GAS2L3: variants seen among roughly 807,000 people sequenced by gnomAD.
GAS2L3 encodes growth arrest specific 2 like 3.
GAS2L3 carries 28 observed loss-of-function variants against 37.0 expected under a neutral mutation model. The ratio of observed to expected loss-of-function variants is 0.76; its 90% confidence interval spans 0.56 to 1.04. The LOEUF (loss-of-function observed/expected upper bound fraction) is 1.04. GAS2L3 is among the 50% of genes least tolerant of loss of function. The probability of loss-of-function intolerance (pLI) is 0.00; values close to 1 mark genes in which losing one functional copy is unlikely to be tolerated. For missense variants in GAS2L3, 793 were observed against 817.6 expected (o/e 0.97, Z 0.37); for synonymous variants, 290 against 296.6 (o/e 0.98, Z 0.23).
chr12:100,594,991 A>G, intron 3 of GAS2L3, 69 bp downstream of exon 3: 1 of 696,166 alleles, frequency 1.4e-6, no homozygotes, highest in Non-Finnish European at 2.3e-6. Context: ...ATAATTAGCA[A>G]AGATAAAATT....
chr12:100,600,181 G>T (rs761403291), intron 3 of GAS2L3, among the ~76,000 whole-genome samples: 2 of 152,046 alleles, frequency 1.3e-5, no homozygotes, highest in South Asian at 2.1e-4. Context: ...AACCATAATC[G>T]CATCACTGCA....
chr12:100,595,546 G>T (rs115004082), intron 3 of GAS2L3, among the ~76,000 whole-genome samples: 2 of 151,678 alleles, frequency 1.3e-5, no homozygotes, highest in African/African-American at 4.8e-5. Context: ...TGTATAAAAA[G>T]AACATGATTG....
chr12:100,615,922 G>A (rs1956181665), intron 6 of GAS2L3, among the ~76,000 whole-genome samples: 2 of 151,978 alleles, frequency 1.3e-5, no homozygotes, highest in South Asian at 2.1e-4. Context: ...GGGAGGTGTG[G>A]GTCTCCAAAT....
At chr12:100,583,275 TCA>T (rs1955736498) in intron 1 of GAS2L3, among the ~76,000 whole-genome samples, 1 of 152,196 alleles carries the variant, frequency 6.6e-6, no homozygotes, top group Non-Finnish European at 1.5e-5. Context: ...CTTTGTAAGG[TCA>T]CATATTCACA....
At chr12:100,592,002 G>A (rs372092431) in intron 2 of GAS2L3, 146 bp downstream of exon 2, 1 of 152,070 alleles carries the variant, frequency 6.6e-6, no homozygotes, top group Admixed American at 6.6e-5. Context: ...AATCAGAAAG[G>A]ATGTTTTCTT....
chr12:100,589,872 G>A (rs925885133), intron 1 of GAS2L3, among the ~76,000 whole-genome samples: 2 of 151,552 alleles, frequency 1.3e-5, no homozygotes, highest in African/African-American at 2.4e-5. Context: ...GGCTAGCCAC[G>A]TGTAGGATCC....
chr12:100,600,686 T>A, intron 4 of GAS2L3, 136 bp downstream of exon 4: 1 of 732,472 alleles, frequency 1.4e-6, no homozygotes, highest in Non-Finnish European at 2.3e-6. Flanking sequence ...GTGCCCTTGG[T>A]CTCACCCAGG....
At position 100,612,065 on chromosome 12, in the gene GAS2L3, C is replaced by T. The variant is rs1215673974; in HGVS notation, c.369C>T (p.Asp123=). The change falls in exon 6 of 10, where the codon GAC becomes GAT. Residue 123 remains aspartate (D), a synonymous_variant. Transcript: ENST00000547754. The part of the protein sequence containing the change: ...DAASGSFFAR[D]NTANFLHWCR... The stretch of plus-strand genomic sequence containing the variant: ...CATCAGGTTCATTCTTTGCTCGGGA[C>T]AATACCGCAAACTTCCTTCACTGGT... 1.2e-6 allele frequency: 2 copies of T among 1,610,580 alleles called. No homozygotes were observed. Among genetic ancestry groups the T allele is most frequent in the Non-Finnish European group, 1.7e-6 (2 of 1,176,888 alleles).
chr12:100,583,933 G>A, intron 1 of GAS2L3, among the ~76,000 whole-genome samples: 1 of 152,068 alleles, frequency 6.6e-6, no homozygotes, highest in East Asian at 1.9e-4. Flanking sequence ...AATAATAAAT[G>A]ATATCAAAAA....
At chr12:100,589,704 G>A (rs61941855) in intron 1 of GAS2L3, among the ~76,000 whole-genome samples, 1,621 of 152,200 alleles carry the variant, frequency 0.011, 15 homozygotes, top group Non-Finnish European at 0.016. Context: ...CCAAAACAGC[G>A]TGGTACAGCT....
At chr12:100,594,839 T>G in intron 2 of GAS2L3, 36 bp from the exon 3 acceptor site, 1 of 782,278 alleles carries the variant, frequency 1.3e-6, no homozygotes, top group Non-Finnish European at 1.9e-6. Flanking sequence ...AAACTGCCAC[T>G]GTTAACTGTA....
rs746621272 is a variant in GAS2L3, at chr12:100,623,962, A to G, written c.1157A>G (p.Lys386Arg). The change falls in exon 10 of 10, where the codon AAG becomes AGG. Residue 386 changes from lysine to arginine, a missense_variant. Lys to Arg is a conservative substitution (Grantham distance 26). Transcript: ENST00000547754. ...GCAGCATCTTCTCATCCCAAGCTCA[A>G]GTCTTCAAAAGGCATAACGAAGAAA... is the stretch of plus-strand genomic sequence containing the variant. Reference protein sequence around the residue: ...SPAASSHPKLKSSKGITKKPQ... With the variant: ...SPAASSHPKLRSSKGITKKPQ... The G allele has an allele frequency of 8.1e-6, 13 of 1,614,122 alleles. No homozygotes were observed. The African/African-American group carries it at 1.3e-4, about 17-fold the overall frequency.
intron 5 of GAS2L3, among the ~76,000 whole-genome samples, chr12:100,607,359 T>A (rs1249563775): frequency 6.6e-6 from 1 of 152,184 alleles, no homozygotes; most frequent in Non-Finnish European, 1.5e-5. Context: ...ATCCTTTCTT[T>A]ATCCTTGACC....
At chr12:100,598,881 G>T (rs1315206047) in intron 3 of GAS2L3, among the ~76,000 whole-genome samples, 1 of 152,196 alleles carries the variant, frequency 6.6e-6, no homozygotes, top group Admixed American at 6.5e-5. Context: ...TCAGTGAGAA[G>T]ATTGGCTCCC....
chr12:100,596,198 A>G (rs1955909861), intron 3 of GAS2L3, among the ~76,000 whole-genome samples: 1 of 152,038 alleles, frequency 6.6e-6, no homozygotes, highest in African/African-American at 2.4e-5. Flanking sequence ...ATCCACTTGC[A>G]TATGCTTAGA....
At chr12:100,610,075 A>G (rs147402337) in intron 5 of GAS2L3, among the ~76,000 whole-genome samples, 1 of 152,304 alleles carries the variant, frequency 6.6e-6, no homozygotes, top group East Asian at 1.9e-4. Context: ...TGATGTTCCT[A>G]TGGGTAAGAC....
intron 5 of GAS2L3, among the ~76,000 whole-genome samples, chr12:100,605,874 G>T (rs1956050107): frequency 6.7e-6 from 1 of 150,192 alleles, no homozygotes. Flanking sequence ...TGTTATTTCA[G>T]GTTTTTTTTT....
chr12:100,606,305 C>A (rs1394807851), intron 5 of GAS2L3, among the ~76,000 whole-genome samples: 1 of 151,954 alleles, frequency 6.6e-6, no homozygotes, highest in African/African-American at 2.4e-5. Context: ...ATAAATATAG[C>A]TACTACTGTT....
chr12:100,595,527 T>C (rs190091818), intron 3 of GAS2L3, among the ~76,000 whole-genome samples: 65 of 152,082 alleles, frequency 4.3e-4, no homozygotes, highest in African/African-American at 1.5e-3. Flanking sequence ...TTTTAAGTTT[T>C]CTTTCTTTTG....
Sources: gnomAD v4.1 joint callset for allele counts (sites outside exome capture counted in the v4.1 genomes callset) on GRCh38, gnomAD v4.1.1 for gene constraint, MANE v1.5 for transcripts, NCBI Gene and HGNC (gene_info 2026-07-23, HGNC 2026-07-21) for gene names.